The following SETBP1 variants were observed in gnomAD, a reference collection of about 807,000 sequenced individuals.
SETBP1 encodes the protein SET binding protein 1, also known as SET-binding protein.
A neutral mutation model predicts 101.0 loss-of-function variants in SETBP1; 9 were observed. The observed-to-expected ratio is 0.09, with a 90% CI of 0.05 to 0.16. The LOEUF is 0.16. Ranked by LOEUF, SETBP1 falls within the 10% of genes least tolerant of loss-of-function variation. SETBP1 has a pLI of 1.00. For synonymous variants in SETBP1, 818 were observed against 788.5 expected, an observed-to-expected ratio of 1.04 and a Z score of -0.63; for missense variants, 1,858 against 2,033.8, an observed-to-expected ratio of 0.91 and a Z score of 1.66.
At chr18:44,766,773 G>A (rs367567767) in intron 2 of SETBP1, among the ~76,000 whole-genome samples, 1 of 152,000 alleles carries the variant, frequency 6.6e-6, no homozygotes, top group African/African-American at 2.4e-5. Context: ...AAAGTTCAAG[G>A]CCTGCCAAGG....
chr18:44,714,542 T>G (rs892943214), intron 2 of SETBP1, among the ~76,000 whole-genome samples: 1 of 151,970 alleles, frequency 6.6e-6, no homozygotes, highest in Non-Finnish European at 1.5e-5. Context: ...AGCTCCTGCT[T>G]AGTCAGCTCT....
intron 2 of SETBP1, among the ~76,000 whole-genome samples, chr18:44,815,452 A>T (rs1459955881): frequency 6.6e-6 from 1 of 152,250 alleles, no homozygotes; most frequent in Non-Finnish European, 1.5e-5. Context: ...CATTTGAATT[A>T]TCAAATGAGA....
chr18:45,015,171 G>C (rs193106600), intron 4 of SETBP1, among the ~76,000 whole-genome samples: 1 of 152,332 alleles, frequency 6.6e-6, no homozygotes, highest in Admixed American at 6.5e-5. Flanking sequence ...GCAGAAGAGG[G>C]GGAGCCTCAA....
At chr18:44,776,129 C>T (rs1400511241) in intron 2 of SETBP1, among the ~76,000 whole-genome samples, 2 of 152,138 alleles carry the variant, frequency 1.3e-5, no homozygotes, top group Non-Finnish European at 2.9e-5. Context: ...TGAAAAGGTA[C>T]CCATCATGAA....
intron 1 of SETBP1, among the ~76,000 whole-genome samples, chr18:44,684,130 G>A (rs948547229): frequency 6.6e-6 from 1 of 152,156 alleles, no homozygotes; most frequent in Non-Finnish European, 1.5e-5. Context: ...TTCCTGTGAA[G>A]GGAGCAAAAC....
At chr18:44,865,918 C>A (rs72909548) in intron 2 of SETBP1, among the ~76,000 whole-genome samples, 352 of 152,310 alleles carry the variant, frequency 2.3e-3, no homozygotes, top group Non-Finnish European at 3.8e-3. Context: ...TTCCAAATCT[C>A]CCAAATAAAG....
Position 44,742,363 on chromosome 18 carries a change from G to C in SETBP1, c.486+40531G>C, listed in dbSNP as rs577773983. On this transcript the variant is annotated intron_variant, in intron 2 of 5. Coordinates refer to ENST00000649279, the MANE Select transcript of SETBP1 (RefSeq NM_015559.3). ...CATCTCAGTCTGAGGTCTTCTGGGA[G>C]ATTTTGCTCTGGTTTCATGTCCTCT... Among the ~76,000 whole-genome samples the C allele has an allele frequency of 2.6e-5, 4 of 152,322 alleles. No homozygotes were observed. In the South Asian group the frequency reaches 8.3e-4, roughly 32 times the overall value.
At chr18:44,772,403 C>T (rs2070893450) in intron 2 of SETBP1, among the ~76,000 whole-genome samples, 1 of 152,190 alleles carries the variant, frequency 6.6e-6, no homozygotes, top group Non-Finnish European at 1.5e-5. Flanking sequence ...GCCTCCTGCA[C>T]TGGCTGGAGA....
At position 44,975,383 on chromosome 18, in the gene SETBP1, A is replaced by T. The variant is rs556026690; in HGVS notation, c.4000+22043A>T. Among the ~76,000 whole-genome samples the T allele has an allele frequency of 3.3e-5, 5 of 152,340 alleles. No homozygotes were observed. In the South Asian group the frequency reaches 1.0e-3, roughly 32 times the overall value. ...TGTCAATTAATTGCCCTACACTAAA[A>T]GAAATTCACTTTTAATGCCAGTTAT... On this transcript the variant is annotated intron_variant, in intron 4 of 5. Coordinates refer to ENST00000649279, the MANE Select transcript of SETBP1 (RefSeq NM_015559.3).
At chr18:44,753,334 G>A (rs2070427581) in intron 2 of SETBP1, among the ~76,000 whole-genome samples, 1 of 152,086 alleles carries the variant, frequency 6.6e-6, no homozygotes, top group Non-Finnish European at 1.5e-5. Flanking sequence ...ATCCTAGGAG[G>A]CTGGCATGAG....
chr18:44,984,699 C>T lies in SETBP1; in HGVS notation c.4000+31359C>T, dbSNP rs372543339. ...TCACACCTCTAAAGCATTTTTCTGT[C>T]ATGTTGCCTGACATGTAAGAGGCAC... On this transcript the variant is annotated intron_variant, in intron 4 of 5. Coordinates refer to ENST00000649279, the MANE Select transcript of SETBP1 (RefSeq NM_015559.3). 1.1e-4 allele frequency among the ~76,000 whole-genome samples: 16 copies of T among 152,256 alleles called. 1 individual carries two copies. The South Asian group carries it at 2.3e-3, about 22-fold the overall frequency.
At chr18:44,718,845 C>A (rs757228352) in intron 2 of SETBP1, among the ~76,000 whole-genome samples, 1 of 152,106 alleles carries the variant, frequency 6.6e-6, no homozygotes, top group Non-Finnish European at 1.5e-5. Context: ...AAGCAGAAAG[C>A]ACCTCGTAGT....
chr18:44,872,050 G>A (rs956691629), intron 3 of SETBP1: 2 of 152,150 alleles, frequency 1.3e-5, no homozygotes, highest in African/African-American at 4.8e-5. Context: ...GCCTTTTGAA[G>A]CAACAGACAC....
chr18:44,913,293 A>G (rs2070354660), intron 3 of SETBP1, among the ~76,000 whole-genome samples: 1 of 152,214 alleles, frequency 6.6e-6, no homozygotes, highest in African/African-American at 2.4e-5. Flanking sequence ...GCATGTCAGG[A>G]CTGGTGAGGC....
At chr18:44,808,851 G>GT (rs1240493736) in intron 2 of SETBP1, among the ~76,000 whole-genome samples, 3 of 152,204 alleles carry the variant, frequency 2.0e-5, no homozygotes, top group African/African-American at 7.2e-5. Context: ...CTACTTATGA[G>GT]TAACTGGGAG....
At chr18:45,025,281 T>C (rs1044017382) in intron 4 of SETBP1, among the ~76,000 whole-genome samples, 10 of 152,210 alleles carry the variant, frequency 6.6e-5, no homozygotes, top group Non-Finnish European at 1.0e-4. Flanking sequence ...TAAGCGAGGA[T>C]GAGTAAATCA....
chr18:44,888,557 A>G (rs1264981032), intron 3 of SETBP1, among the ~76,000 whole-genome samples: 2 of 152,168 alleles, frequency 1.3e-5, no homozygotes, highest in Non-Finnish European at 2.9e-5. Flanking sequence ...TTGTGCTTTT[A>G]TTAAAACTGT....
At chr18:44,712,953 CTTT>C (rs11323504) in intron 2 of SETBP1, among the ~76,000 whole-genome samples, 103 of 64,918 alleles carry the variant, frequency 1.6e-3, no homozygotes, top group African/African-American at 5.5e-3. Flanking sequence ...CAGCATCCCT[CTTT>C]TTTTTTTTTT....
chr18:45,050,566 A>G (rs2073705076), intron 5 of SETBP1, among the ~76,000 whole-genome samples: 1 of 152,216 alleles, frequency 6.6e-6, no homozygotes, highest in South Asian at 2.1e-4. Flanking sequence ...ACTAAAAGAG[A>G]CCAGATAGTC....
Sources: allele counts gnomAD v4.1 joint callset (sites outside exome capture counted in the v4.1 genomes callset), GRCh38; gene constraint gnomAD v4.1.1; transcripts MANE v1.5; gene names NCBI Gene and HGNC (gene_info 2026-07-23, HGNC 2026-07-21).